ST7: variants seen among roughly 807,000 people sequenced by gnomAD.
ST7 encodes suppressor of tumorigenicity 7 protein.
A neutral mutation model predicts 78.7 loss-of-function variants in ST7; 28 were observed. That is an observed-to-expected ratio of 0.36 (90% CI 0.26 to 0.49). ST7 has a LOEUF of 0.49. Ranked by LOEUF, ST7 falls within the 20% of genes least tolerant of loss-of-function variation. ST7 has a pLI of 0.99. For synonymous variants in ST7, 247 were observed against 249.6 expected (o/e 0.99, Z 0.10); for missense variants, 418 against 696.0 (o/e 0.60, Z 4.49).
chr7:117,160,653 G>GTATATATA (rs1554443282), intron 9 of ST7, among the ~76,000 whole-genome samples: 6 of 147,612 alleles, frequency 4.1e-5, no homozygotes, highest in South Asian at 2.2e-4. Flanking sequence ...GTGTGTGTGT[G>GTATATATA]TATATATATA....
At chr7:117,090,264 C>G (rs1319716577) in intron 1 of ST7, among the ~76,000 whole-genome samples, 1 of 150,382 alleles carries the variant, frequency 6.6e-6, no homozygotes, top group Non-Finnish European at 1.5e-5. Context: ...GACACACACA[C>G]ACACACACAC....
At chr7:117,164,713 A>G (rs1188932551) in intron 9 of ST7, among the ~76,000 whole-genome samples, 1 of 152,242 alleles carries the variant, frequency 6.6e-6, no homozygotes, top group East Asian at 1.9e-4. Flanking sequence ...AAAATGGTTT[A>G]GTTCTGGACT....
intron 1 of ST7, among the ~76,000 whole-genome samples, chr7:116,965,459 G>A (rs1585052974): frequency 6.6e-6 from 1 of 152,082 alleles, no homozygotes; most frequent in Admixed American, 6.6e-5. Context: ...TAATGCATGC[G>A]AGGCTTAAAA....
chr7:117,041,802 A>G (rs1464211402), intron 1 of ST7, among the ~76,000 whole-genome samples: 2 of 152,318 alleles, frequency 1.3e-5, no homozygotes, highest in Admixed American at 6.5e-5. Context: ...GATATGTTAT[A>G]TTAAATGGCA....
At chr7:116,991,043 C>T (rs1794404141) in intron 1 of ST7, among the ~76,000 whole-genome samples, 1 of 152,158 alleles carries the variant, frequency 6.6e-6, no homozygotes, top group Admixed American at 6.6e-5. Flanking sequence ...TGACCCAAAT[C>T]CCTCCTCAAA....
chr7:117,086,640 C>T (rs1236321666), intron 1 of ST7, among the ~76,000 whole-genome samples: 1 of 151,998 alleles, frequency 6.6e-6, no homozygotes, highest in Non-Finnish European at 1.5e-5. Context: ...TAACAAAAAG[C>T]ACCTGGAATT....
At chr7:117,202,859 A>G (rs1811004591) in intron 12 of ST7, among the ~76,000 whole-genome samples, 1 of 151,154 alleles carries the variant, frequency 6.6e-6, no homozygotes, top group South Asian at 2.1e-4. Context: ...CACAGATTCT[A>G]AGTGTTTTTT....
chr7:116,996,536 T>A (rs1007941812), intron 1 of ST7, among the ~76,000 whole-genome samples: 1 of 152,224 alleles, frequency 6.6e-6, no homozygotes, highest in African/African-American at 2.4e-5. Context: ...CTTCATCTTA[T>A]CAGGCTTGCT....
intron 3 of ST7, among the ~76,000 whole-genome samples, chr7:117,120,352 G>C (rs1668820412): frequency 6.6e-6 from 1 of 152,104 alleles, no homozygotes; most frequent in South Asian, 2.1e-4. Context: ...TTTCTTCTAT[G>C]ATAATTGCAG....
intron 12 of ST7, among the ~76,000 whole-genome samples, chr7:117,199,410 G>A (rs185192467): frequency 1.1e-4 from 17 of 152,208 alleles, no homozygotes; most frequent in African/African-American, 1.4e-4. Context: ...AGAGGAATTC[G>A]TCCATTTTCT....
rs55999217 is a variant in ST7, at chr7:117,099,066, C to CAAAAAAAAAA, written c.152-695_152-686dup. ...TTTCGCAAAAAAAAAAAAAAAAAAA[C>CAAAAAAAAAA]AAAAAAAAAAGAAGAAGAAGAAGGT... On this transcript the variant is annotated intron_variant, in intron 1 of 15. Transcript: ENST00000323984. Among the ~76,000 whole-genome samples, 2 of 94,540 alleles carry CAAAAAAAAAA rather than the reference C, an allele frequency of 2.1e-5. 1 individual carries two copies. Among genetic ancestry groups the CAAAAAAAAAA allele is most frequent in the Non-Finnish European group, 4.1e-5 (2 of 48,970 alleles). The allele number at this position is 94,540 out of a possible 152,430, so 62.0% of individuals were successfully genotyped here. A position where few individuals can be genotyped will look rare whatever the true frequency, so the allele number is the denominator to read the frequency against.
At chr7:117,090,071 C>A (rs1271065212) in intron 1 of ST7, among the ~76,000 whole-genome samples, 2 of 152,054 alleles carry the variant, frequency 1.3e-5, no homozygotes, top group Non-Finnish European at 2.9e-5. Flanking sequence ...AGGATAAAAC[C>A]TTAACTATCC....
In ST7 at chr7:117,131,972, A is replaced by G. The variant is rs759010706; in HGVS notation, c.641+12A>G. The G allele has an allele frequency of 1.4e-5, 23 of 1,609,682 alleles. No individual in the cohort carries two copies. The highest frequency in any genetic ancestry group is 1.8e-5 in the Non-Finnish European group (21 of 1,177,040). ...TTGGAGATAAATGAGTAAGTGGGGG[A>G]AAATCTTGCTGTTAAAAAGGAAATC... On this transcript the variant is annotated intron_variant, in intron 6 of 15. Transcript: ENST00000323984.
intron 1 of ST7, among the ~76,000 whole-genome samples, chr7:117,024,634 G>A (rs1218367541): frequency 6.6e-6 from 1 of 152,124 alleles, no homozygotes; most frequent in African/African-American, 2.4e-5. Flanking sequence ...AACATCTAGA[G>A]CATCTGTGGA....
intron 1 of ST7, among the ~76,000 whole-genome samples, chr7:116,956,195 G>A (rs891629977): frequency 2.0e-5 from 3 of 152,286 alleles, no homozygotes; most frequent in Admixed American, 2.0e-4. Context: ...GTTATAGTAG[G>A]AAAACTGCCA....
At chr7:117,186,509 A>G (rs1809277035) in intron 10 of ST7, among the ~76,000 whole-genome samples, 1 of 152,210 alleles carries the variant, frequency 6.6e-6, no homozygotes, top group South Asian at 2.1e-4. Context: ...TCAGAATGGC[A>G]TGCTGTTTAA....
chr7:117,071,327 A>G (rs911677705), intron 1 of ST7, among the ~76,000 whole-genome samples: 1 of 152,220 alleles, frequency 6.6e-6, no homozygotes, highest in Admixed American at 6.5e-5. Context: ...ATGACACTGC[A>G]TTCAGCATAT....
intron 2 of ST7, among the ~76,000 whole-genome samples, chr7:117,102,108 A>T (rs541845797): frequency 1.5e-4 from 23 of 152,276 alleles, no homozygotes; most frequent in African/African-American, 4.1e-4. Flanking sequence ...CCATGTAAGG[A>T]CTGTATTTTA....
chr7:117,149,828 G>A (rs1448079429), intron 9 of ST7, among the ~76,000 whole-genome samples: 4 of 152,194 alleles, frequency 2.6e-5, no homozygotes, highest in East Asian at 1.9e-4. Flanking sequence ...TTTGGAGGCT[G>A]TATGTTTCTA....
Sources: gnomAD v4.1 joint callset for allele counts (sites outside exome capture counted in the v4.1 genomes callset) on GRCh38, gnomAD v4.1.1 for gene constraint, MANE v1.5 for transcripts, NCBI Gene and HGNC (gene_info 2026-07-23, HGNC 2026-07-21) for gene names.